Variants in SSX7 observed in about 807,000 individuals in gnomAD.
The protein encoded by SSX7 is SSX family member 7.
A neutral mutation model predicts 14.7 loss-of-function variants in SSX7; 15 were observed. The observed-to-expected ratio is 1.02, with a 90% CI of 0.68 to 1.58. SSX7 has a LOEUF of 1.58. SSX7 is among the 40% of genes most tolerant of loss of function. The pLI is 0.00. For synonymous variants in SSX7, 46 were observed against 50.6 expected, an observed-to-expected ratio of 0.91 and a Z score of 0.38; for missense variants, 178 against 146.8, an observed-to-expected ratio of 1.21 and a Z score of -1.10.
In SSX7 at chrX:52,649,213, T is replaced by G. The variant is rs1160661243; in HGVS notation, c.331-817A>C. On this transcript the variant is annotated intron_variant, in intron 5 of 7. Transcript: ENST00000298181. ...GCCCCGCTAAGTTTTGTATTTTTAA[T>G]AGAGATGAGGTTTTACCATGTTGGG... Among the ~76,000 whole-genome samples the G allele has an allele frequency of 2.7e-5, 3 of 111,062 alleles. No homozygotes were observed. The East Asian group carries it at 8.5e-4, about 31-fold the overall frequency.
intron 4 of SSX7, among the ~76,000 whole-genome samples, chrX:52,650,863 A>G (rs1385013289): frequency 8.9e-6 from 1 of 112,156 alleles, no homozygotes; most frequent in East Asian, 2.8e-4. Flanking sequence ...CAGTCCTTTA[A>G]TGTCAAAATC....
Position 52,648,372 on chromosome X carries a change from C to G in SSX7, c.355G>C (p.Glu119Gln). Residue 119 changes from glutamate to glutamine, a missense_variant, in exon 6 of 8, where the codon GAA becomes CAA. Coordinates refer to ENST00000298181, the MANE Select transcript of SSX7 (RefSeq NM_173358.2). Reference sequence around the variant, plus strand: ...GGCACTCCCTTCGAATCATTTCCTTCCTCTGCTGGCTTCTTGGGCATGATC... The same window carrying G: ...GGCACTCCCTTCGAATCATTTCCTTGCTCTGCTGGCTTCTTGGGCATGATC... The part of the protein sequence containing the change: ...PKIMPKKPAE[E>Q]GNDSKGVPEA... 2.5e-6 allele frequency: 3 copies of G among 1,211,677 alleles called. No individual in the cohort carries two copies. Among genetic ancestry groups the G allele is most frequent in the Non-Finnish European group, 3.4e-6 (3 of 895,474 alleles).
chrX:52,648,381 G>A lies in SSX7; in HGVS notation c.346C>T (p.Pro116Ser), dbSNP rs1453087970. 2.5e-6 allele frequency: 3 copies of A among 1,209,679 alleles called. No individual in the cohort carries two copies. The highest frequency in any genetic ancestry group is 2.3e-4 in the Middle Eastern group (1 of 4,372). Residue 116 changes from proline to serine, a missense_variant, in exon 6 of 8, where the codon CCA becomes TCA. Transcript: ENST00000298181. ...RIFPKIMPKK[P>S]AEEGNDSKGV... Reference sequence around the variant, plus strand: ...TTCGAATCATTTCCTTCCTCTGCTGGCTTCTTGGGCATGATCTTTATAATG... The same window carrying A: ...TTCGAATCATTTCCTTCCTCTGCTGACTTCTTGGGCATGATCTTTATAATG...
In SSX7 at chrX:52,645,542, T is replaced by A. The variant is rs782207274; in HGVS notation, c.468A>T (p.Gly156=). 1 of 1,193,414 alleles carries A rather than the reference T, an allele frequency of 8.4e-7. No homozygotes were observed. Among genetic ancestry groups the A allele is most frequent in the East Asian group, 3.0e-5 (1 of 33,635 alleles). ...TCCAGGCATGTTTCCCCCTTTTGGG[T>A]CCTGTGATGGAGAATAGTTGGAAAG... ...STSEKINKTS[G]PKRGKHAWTH... The change falls in exon 7 of 8, where the codon GGA becomes GGT. Residue 156 remains glycine (G), a splice_region_variant and synonymous_variant. Coordinates refer to ENST00000298181, the MANE Select transcript of SSX7 (RefSeq NM_173358.2).
At position 52,648,324 on chromosome X, in the gene SSX7, C is replaced by T. The variant is rs1556766591; in HGVS notation, c.403G>A (p.Asp135Asn). ...GVPEASGSQN[D>N]GKHLCPPGKP... ...CCTGGAGGGCACAGGTGTTTCCCAT[C>T]GTTCTGTGAGCCAGATGCTTCTGGC... The change falls in exon 6 of 8, where the codon GAT becomes AAT. Residue 135 changes from aspartate to asparagine, a missense_variant. By Grantham distance (23) the Asp-to-Asn change is conservative. Transcript: ENST00000298181. 1.2e-5 allele frequency: 15 copies of T among 1,210,255 alleles called. No individual in the cohort carries two copies. Among genetic ancestry groups the T allele is most frequent in the African/African-American group, 1.7e-5 (1 of 57,277 alleles).
intron 1 of SSX7, 123 bp from the exon 2 acceptor site, chrX:52,653,615 G>C (rs1223362349): frequency 8.6e-5 from 73 of 847,589 alleles, no homozygotes; most frequent in Non-Finnish European, 1.2e-4. Flanking sequence ...TCCATCTGGG[G>C]CTTATCTGTC....
chrX:52,652,308 C>T lies in SSX7; in HGVS notation c.224G>A (p.Gly75Glu). ...ATLPPFMHNTGATDLQGNDFD... is the reference protein window; with the variant it reads ...ATLPPFMHNTEATDLQGNDFD... ...ATCATTCCCCTGGAGGTCTGTGGCC[C>T]CTGTATTATGCATGAAAGGTGGGAG... The change falls in exon 4 of 8, where the codon GGG becomes GAG. Residue 75 changes from glycine (G) to glutamate (E), a missense_variant. Transcript: ENST00000298181. 8.3e-7 allele frequency: 1 copy of T among 1,208,735 alleles called. No individual in the cohort carries two copies.
At chrX:52,652,611 C>T (rs1925471668) in intron 3 of SSX7, among the ~76,000 whole-genome samples, 1 of 110,232 alleles carries the variant, frequency 9.1e-6, no homozygotes, top group African/African-American at 3.3e-5. Context: ...CGGGATGCCA[C>T]AGAGACACTT....
intron 6 of SSX7, among the ~76,000 whole-genome samples, chrX:52,647,911 T>A (rs1376934224): frequency 8.9e-6 from 1 of 112,063 alleles, no homozygotes; most frequent in African/African-American, 3.2e-5. Flanking sequence ...TATCCCAGGT[T>A]ATCAAAGATA....
chrX:52,651,947 C>T (rs781789012), intron 4 of SSX7, among the ~76,000 whole-genome samples: 2 of 111,107 alleles, frequency 1.8e-5, no homozygotes, highest in Admixed American at 1.9e-4. Context: ...CTCAGCAATC[C>T]CTGCCCGCCC....
intron 6 of SSX7, among the ~76,000 whole-genome samples, chrX:52,647,337 C>T (rs868940354): frequency 8.0e-5 from 9 of 112,534 alleles, no homozygotes; most frequent in East Asian, 5.5e-4. Flanking sequence ...GGTGGCTACA[C>T]TAAACAACAG....
chrX:52,652,828 C>G (rs781897808), intron 3 of SSX7, 42 bp downstream of exon 3: 1 of 1,080,397 alleles, frequency 9.3e-7, no homozygotes, highest in Non-Finnish European at 1.3e-6. Flanking sequence ...TAGGGATGCT[C>G]ATGTGTCCCC....
chrX:52,653,652 A>G (rs782297500), intron 1 of SSX7, among the ~76,000 whole-genome samples, 160 bp from the exon 2 acceptor site: 31 of 110,614 alleles, frequency 2.8e-4, no homozygotes, highest in South Asian at 8.0e-4. Flanking sequence ...GGGCGAAGTC[A>G]GATGAAAATA....
At chrX:52,654,409 C>G (rs28372319) in intron 1 of SSX7, among the ~76,000 whole-genome samples, 2 of 82,840 alleles carry the variant, frequency 2.4e-5, no homozygotes, top group East Asian at 8.4e-4. Context: ...TCTCTGCTGC[C>G]CAGGCTGGGA....
rs1556767229 is a variant in SSX7, at chrX:52,652,944, C to CA, written c.109dup (p.Trp37LeufsTer20). 1 of 1,203,197 alleles carries CA rather than the reference C, an allele frequency of 8.3e-7. No individual in the cohort carries two copies. Among genetic ancestry groups the CA allele is most frequent in the Admixed American group, 2.2e-5 (1 of 45,677 alleles). ...TTTCTCCAAGGATTTCATCTTTTCCCACTCTTTCTTAGAGAAGTATTTGGC... is the reference window on the plus strand; with the variant it reads ...TTTCTCCAAGGATTTCATCTTTTCCCAACTCTTTCTTAGAGAAGTATTTGGC... On this transcript the variant is annotated frameshift_variant, in exon 3 of 8. Coordinates refer to ENST00000298181, the MANE Select transcript of SSX7 (RefSeq NM_173358.2). LOFTEE classifies it high-confidence loss of function.
intron 6 of SSX7, 108 bp downstream of exon 6, chrX:52,648,153 C>T: frequency 9.2e-7 from 1 of 1,085,468 alleles, no homozygotes; most frequent in Non-Finnish European, 1.2e-6. Context: ...AGCTCCTCAG[C>T]CCAGCCTGGA....
chrX:52,653,075 G>A (rs1262456863), intron 2 of SSX7, 91 bp from the exon 3 acceptor site: 15 of 1,175,411 alleles, frequency 1.3e-5, no homozygotes, highest in Admixed American at 7.0e-5. Context: ...CTGGATCTGG[G>A]AAGTGGGGAT....
intron 4 of SSX7, among the ~76,000 whole-genome samples, chrX:52,651,742 G>A (rs1925437428): frequency 9.0e-6 from 1 of 111,225 alleles, no homozygotes; most frequent in Non-Finnish European, 1.9e-5. Flanking sequence ...GGGTGTGGGG[G>A]CGGGCACCCG....
rs1424414754 is a variant in SSX7, at chrX:52,653,413, C to T, written c.60G>A (p.Lys20=). The T allele has an allele frequency of 5.0e-6, 6 of 1,209,470 alleles. No homozygotes were observed. The highest frequency in any genetic ancestry group is 3.4e-6 in the Non-Finnish European group (3 of 895,072). The change falls in exon 2 of 8, where the codon AAG becomes AAA. Residue 20 remains lysine (K), a synonymous_variant. Coordinates refer to ENST00000298181, the MANE Select transcript of SSX7 (RefSeq NM_173358.2). The part of the protein sequence containing the change: ...RPRAGAQIPE[K]IQKSFDDIAK... ...CTCCAGGTCACCTCACCTTTTGGAT[C>T]TTCTCTGGTATTTGAGCACCAGCCC... is the stretch of plus-strand genomic sequence containing the variant.
Sources: gnomAD v4.1 joint callset for allele counts (sites outside exome capture counted in the v4.1 genomes callset) on GRCh38, gnomAD v4.1.1 for gene constraint, MANE v1.5 for transcripts, NCBI Gene and HGNC (gene_info 2026-07-23, HGNC 2026-07-21) for gene names.